Variants in FOXP2 observed in about 807,000 individuals in gnomAD.
The protein encoded by FOXP2 is forkhead box protein P2.
In FOXP2, 12 loss-of-function variants were observed where a neutral mutation model predicts 115.8. That is an observed-to-expected ratio of 0.10 (90% CI 0.07 to 0.17). FOXP2 has a LOEUF of 0.17. FOXP2 is among the 10% of genes least tolerant of loss of function. The pLI, the probability that FOXP2 is intolerant of heterozygous loss-of-function variation, is 1.00. For missense variants in FOXP2, 629 were observed against 843.5 expected, an observed-to-expected ratio of 0.75 and a Z score of 3.15; for synonymous variants, 328 against 297.7, an observed-to-expected ratio of 1.10 and a Z score of -1.05.
At chr7:114,480,919 A>T (rs1378936420) in intron 2 of FOXP2, among the ~76,000 whole-genome samples, 4 of 151,180 alleles carry the variant, frequency 2.6e-5, no homozygotes, top group African/African-American at 9.7e-5. Flanking sequence ...TAAAATGCTG[A>T]TGAAACACTT....
intron 2 of FOXP2, among the ~76,000 whole-genome samples, chr7:114,485,455 A>G (rs17312861): frequency 0.94 from 142,923 of 151,910 alleles, 67,314 homozygotes; most frequent in East Asian, 1. Flanking sequence ...AAAGTTAATC[A>G]GTGTGAACAG....
chr7:114,631,425 A>C (rs907996023), intron 5 of FOXP2, 103 bp from the exon 6 acceptor site: 1 of 1,536,186 alleles, frequency 6.5e-7, no homozygotes, highest in East Asian at 2.5e-5. Context: ...GATGACCAAA[A>C]AACCCACTCA....
chr7:114,488,747 A>G (rs1265181574), intron 2 of FOXP2, among the ~76,000 whole-genome samples: 8 of 152,190 alleles, frequency 5.3e-5, no homozygotes, highest in African/African-American at 1.9e-4. Flanking sequence ...TTAGGAGGAC[A>G]CATTGCAAAA....
chr7:114,115,398 T>C (rs1791376202), intron 1 of FOXP2, among the ~76,000 whole-genome samples: 1 of 152,162 alleles, frequency 6.6e-6, no homozygotes, highest in Admixed American at 6.6e-5. Flanking sequence ...ACTCTTCATT[T>C]CTTTTAGAGA....
chr7:114,244,445 G>T (rs983378654), intron 1 of FOXP2, among the ~76,000 whole-genome samples: 2 of 151,920 alleles, frequency 1.3e-5, no homozygotes, highest in African/African-American at 4.8e-5. Context: ...CCCCAAAATT[G>T]TTTTGAGAAT....
chr7:114,433,747 A>C (rs1794216218), intron 2 of FOXP2, among the ~76,000 whole-genome samples: 1 of 152,010 alleles, frequency 6.6e-6, no homozygotes, highest in African/African-American at 2.4e-5. Context: ...ATGAGATCCA[A>C]GTCAGTTATT....
chr7:114,321,889 T>C (rs1383420224), intron 2 of FOXP2, among the ~76,000 whole-genome samples: 1 of 152,212 alleles, frequency 6.6e-6, no homozygotes, highest in Non-Finnish European at 1.5e-5. Context: ...AATTTGTCCA[T>C]AGCTATTAAA....
chr7:114,618,788 C>A (rs1478688774), intron 3 of FOXP2, among the ~76,000 whole-genome samples: 1 of 152,014 alleles, frequency 6.6e-6, no homozygotes, highest in Non-Finnish European at 1.5e-5. Context: ...GTAGAGACTG[C>A]AGATAGGATA....
intron 3 of FOXP2, among the ~76,000 whole-genome samples, chr7:114,558,861 A>G (rs546585050): frequency 2.3e-4 from 35 of 152,230 alleles, no homozygotes; most frequent in African/African-American, 7.9e-4. Flanking sequence ...AGTGGCTCCT[A>G]CTTGACTTTG....
chr7:114,114,689 T>C (rs777648157), intron 1 of FOXP2, among the ~76,000 whole-genome samples: 1 of 152,168 alleles, frequency 6.6e-6, no homozygotes, highest in Non-Finnish European at 1.5e-5. Flanking sequence ...TTCAAGAAGG[T>C]TGAATTGTAT....
chr7:114,591,333 T>G (rs925040131), intron 3 of FOXP2, among the ~76,000 whole-genome samples: 5 of 152,164 alleles, frequency 3.3e-5, no homozygotes, highest in Non-Finnish European at 5.9e-5. Flanking sequence ...TCCTTGATCA[T>G]CTGTCTAAAA....
At chr7:114,215,252 A>G (rs1172430311) in intron 1 of FOXP2, among the ~76,000 whole-genome samples, 1 of 152,146 alleles carries the variant, frequency 6.6e-6, no homozygotes. Context: ...AATGGTTATT[A>G]CCCAGAACTG....
chr7:114,169,815 G>A (rs1160739083), intron 1 of FOXP2, among the ~76,000 whole-genome samples: 1 of 152,122 alleles, frequency 6.6e-6, no homozygotes, highest in African/African-American at 2.4e-5. Context: ...CATGGGACAG[G>A]TCTTTCCTAT....
At chr7:114,197,799 G>A (rs754874839) in intron 1 of FOXP2, among the ~76,000 whole-genome samples, 1 of 151,942 alleles carries the variant, frequency 6.6e-6, no homozygotes, top group Non-Finnish European at 1.5e-5. Flanking sequence ...ATTCAAATGT[G>A]ATGGATATGT....
At chr7:114,303,506 C>A (rs1208509175) in intron 2 of FOXP2, among the ~76,000 whole-genome samples, 3 of 152,150 alleles carry the variant, frequency 2.0e-5, no homozygotes, top group South Asian at 2.1e-4. Context: ...ATCAAGCATT[C>A]ATCTTTCATG....
chr7:114,564,966 A>G (rs1800934433), intron 3 of FOXP2, among the ~76,000 whole-genome samples: 2 of 151,896 alleles, frequency 1.3e-5, no homozygotes, highest in African/African-American at 4.8e-5. Flanking sequence ...TTCATTAAAT[A>G]TACTATTATA....
chr7:114,100,496 A>T (rs1204701285), intron 1 of FOXP2, among the ~76,000 whole-genome samples: 2 of 152,126 alleles, frequency 1.3e-5, no homozygotes, highest in African/African-American at 4.8e-5. Context: ...CATCTGAATA[A>T]TTTATTCTTA....
At chr7:114,523,012 C>CATAA (rs1798696311) in intron 2 of FOXP2, among the ~76,000 whole-genome samples, 5 of 151,588 alleles carry the variant, frequency 3.3e-5, no homozygotes, top group Admixed American at 2.0e-4. Flanking sequence ...AATATAAATG[C>CATAA]ATTTCTTCTT....
chr7:114,277,707 A>G (rs1796222692), intron 1 of FOXP2, among the ~76,000 whole-genome samples: 1 of 152,042 alleles, frequency 6.6e-6, no homozygotes, highest in Non-Finnish European at 1.5e-5. Flanking sequence ...ATTGACCTTG[A>G]TAATTTGCTT....
Sources: gnomAD v4.1 joint callset for allele counts (sites outside exome capture counted in the v4.1 genomes callset) on GRCh38, gnomAD v4.1.1 for gene constraint, MANE v1.5 for transcripts, NCBI Gene and HGNC (gene_info 2026-07-23, HGNC 2026-07-21) for gene names.